RIN3: variants seen among roughly 807,000 people sequenced by gnomAD.
The protein encoded by RIN3 is Ras and Rab interactor 3.
RIN3 carries 54 observed loss-of-function variants against 76.3 expected under a neutral mutation model. The ratio of observed to expected loss-of-function variants is 0.71; its 90% CI spans 0.57 to 0.89. The LOEUF (loss-of-function observed/expected upper bound fraction) is 0.89, where lower values mean the gene tolerates loss of function less well. Among genes scored for constraint, RIN3 ranks in the 40% least tolerant of loss-of-function variants. The pLI is 0.00. For synonymous variants in RIN3, 576 were observed against 564.0 expected (o/e 1.02, Z -0.30); for missense variants, 1,256 against 1,322.1 (o/e 0.95, Z 0.78).
At chr14:92,678,384 A>G (rs908990557) in intron 8 of RIN3, among the ~76,000 whole-genome samples, 2 of 145,872 alleles carry the variant, frequency 1.4e-5, no homozygotes, top group Non-Finnish European at 3.0e-5. Context: ...CCACTTATTC[A>G]CTCACCCACC....
chr14:92,599,253 G>C (rs1180994583), intron 3 of RIN3, among the ~76,000 whole-genome samples: 1 of 135,048 alleles, frequency 7.4e-6, no homozygotes, highest in Non-Finnish European at 1.6e-5. Context: ...TTGGGGGTGT[G>C]AAGACTGGAG....
intron 1 of RIN3, among the ~76,000 whole-genome samples, chr14:92,518,927 T>A (rs1001533130): frequency 1.3e-5 from 2 of 151,942 alleles, no homozygotes; most frequent in African/African-American, 4.8e-5. Flanking sequence ...TTGTAGGTCA[T>A]CAGTAGGGCT....
intron 1 of RIN3, among the ~76,000 whole-genome samples, chr14:92,535,263 G>GGT (rs934715083): frequency 6.6e-6 from 1 of 151,862 alleles, no homozygotes; most frequent in Non-Finnish European, 1.5e-5. Flanking sequence ...CCCTTTGTTG[G>GGT]GTGTGTGTGT....
intron 2 of RIN3, among the ~76,000 whole-genome samples, chr14:92,572,627 T>C (rs1898093288): frequency 6.6e-6 from 1 of 152,176 alleles, no homozygotes; most frequent in African/African-American, 2.4e-5. Flanking sequence ...CTCAAGAGTC[T>C]AAGACCCCAA....
chr14:92,579,760 C>A (rs1015737376), intron 3 of RIN3, among the ~76,000 whole-genome samples: 7 of 152,232 alleles, frequency 4.6e-5, no homozygotes, highest in South Asian at 4.1e-4. Flanking sequence ...GCCTCAGGGG[C>A]CTCCAAGTCT....
At chr14:92,572,907 A>G (rs1289808551) in intron 2 of RIN3, among the ~76,000 whole-genome samples, 2 of 105,406 alleles carry the variant, frequency 1.9e-5, no homozygotes, top group Admixed American at 1.3e-4. Context: ...TTTGAGATGC[A>G]GTCTTGCTTT....
intron 7 of RIN3, among the ~76,000 whole-genome samples, chr14:92,664,364 CTTT>C (rs373597134): frequency 7.1e-5 from 6 of 84,436 alleles, no homozygotes; most frequent in East Asian, 4.8e-4. Context: ...TTCTTTCTTT[CTTT>C]TTTTTTTTTT....
intron 3 of RIN3, among the ~76,000 whole-genome samples, chr14:92,613,946 G>A (rs1339981426): frequency 1.3e-5 from 2 of 152,176 alleles, no homozygotes; most frequent in South Asian, 2.1e-4. Context: ...GGAGTTGTGG[G>A]GCAGGTGCCT....
intron 3 of RIN3, among the ~76,000 whole-genome samples, chr14:92,612,602 A>C (rs1300809537): frequency 6.6e-6 from 1 of 152,242 alleles, no homozygotes; most frequent in Non-Finnish European, 1.5e-5. Context: ...GGGAGACTCA[A>C]AGATGGACCA....
chr14:92,581,930 T>C (rs1884555063), intron 3 of RIN3, among the ~76,000 whole-genome samples: 2 of 152,168 alleles, frequency 1.3e-5, no homozygotes, highest in African/African-American at 4.8e-5. Context: ...GGGAGGATTC[T>C]GGCGAAACTG....
intron 3 of RIN3, among the ~76,000 whole-genome samples, chr14:92,588,491 G>A (rs1884862416): frequency 6.6e-6 from 1 of 151,890 alleles, no homozygotes; most frequent in Admixed American, 6.6e-5. Flanking sequence ...CTCCCAAAGT[G>A]CTGGGATTAC....
At chr14:92,654,834 C>T (rs937767021) in intron 6 of RIN3, among the ~76,000 whole-genome samples, 3 of 152,120 alleles carry the variant, frequency 2.0e-5, no homozygotes, top group Non-Finnish European at 4.4e-5. Context: ...TTTCTGCCTG[C>T]GGGGAGCTTA....
intron 7 of RIN3, among the ~76,000 whole-genome samples, chr14:92,661,981 C>T (rs1463471896): frequency 1.3e-5 from 2 of 152,212 alleles, no homozygotes; most frequent in Non-Finnish European, 2.9e-5. Context: ...AACTCTGCAA[C>T]TGAGTAACCT....
rs371159748 is a variant in RIN3, at chr14:92,651,851, G to A, written c.802G>A (p.Ala268Thr). The change falls in exon 6 of 10, where the codon GCC (alanine) becomes ACC (threonine). Residue 268 changes from alanine (A) to threonine (T), a missense_variant. Physicochemically the swap from Ala to Thr is moderately conservative, Grantham distance 58. Transcript: ENST00000216487. Reference sequence around the variant, plus strand: ...ACGCCCTTTGCCGCCCACCTCTGATGCCACCTCACCCACCTCCAGGTGGGC... The same window carrying A: ...ACGCCCTTTGCCGCCCACCTCTGATACCACCTCACCCACCTCCAGGTGGGC... Reference protein sequence around the residue: ...PARPLPPTSDATSPTSRWAPR... With the variant: ...PARPLPPTSDTTSPTSRWAPR... 3 of 1,610,528 alleles carry A rather than the reference G, an allele frequency of 1.9e-6. No homozygotes were observed. The highest frequency in any genetic ancestry group is 2.5e-6 in the Non-Finnish European group (3 of 1,178,036).
At chr14:92,683,358 C>T (rs1307724382) in intron 8 of RIN3, among the ~76,000 whole-genome samples, 2 of 152,122 alleles carry the variant, frequency 1.3e-5, no homozygotes, top group African/African-American at 4.8e-5. Flanking sequence ...GGCCAAGCCA[C>T]CTTCCCTCTC....
intron 1 of RIN3, among the ~76,000 whole-genome samples, chr14:92,520,837 G>T (rs559287114): frequency 2.0e-5 from 3 of 152,272 alleles, no homozygotes; most frequent in Admixed American, 1.3e-4. Context: ...TAACCTCCAT[G>T]TTCCCAGCTT....
At chr14:92,669,112 T>TC (rs1484827568) in intron 7 of RIN3, among the ~76,000 whole-genome samples, 7 of 152,224 alleles carry the variant, frequency 4.6e-5, no homozygotes, top group African/African-American at 1.7e-4. Context: ...TAACTGATAT[T>TC]CATTCATGCT....
chr14:92,651,740 C>A lies in RIN3; in HGVS notation c.691C>A (p.Arg231Ser). The A allele has an allele frequency of 1.2e-6, 2 of 1,614,108 alleles. No individual in the cohort carries two copies. The highest frequency in any genetic ancestry group is 1.1e-5 in the South Asian group (1 of 91,082). ...AATCGAGCTGTCGGTAGGAAATGAC[C>A]GCCTGTGGTTTGTGAATCCTATTTT... ...CEIELSVGND[R>S]LWFVNPIFIE... is the part of the protein sequence containing the mutation. The change falls in exon 6 of 10, where the codon CGC (arginine) becomes AGC (serine). Residue 231 changes from arginine (R) to serine (S), a missense_variant. Transcript: ENST00000216487.
chr14:92,632,566 G>A (rs1441867347), intron 4 of RIN3, among the ~76,000 whole-genome samples: 1 of 152,190 alleles, frequency 6.6e-6, no homozygotes, highest in African/African-American at 2.4e-5. Flanking sequence ...GGCTGGGGGT[G>A]TGACCTGCCT....
Sources: allele counts gnomAD v4.1 joint callset (sites outside exome capture counted in the v4.1 genomes callset), GRCh38; gene constraint gnomAD v4.1.1; transcripts MANE v1.5; gene names NCBI Gene and HGNC (gene_info 2026-07-23, HGNC 2026-07-21).